Variants in LPL observed in about 807,000 individuals in gnomAD.
The protein encoded by LPL is phospholipase A1.
LPL carries 43 observed loss-of-function variants against 52.2 expected under a neutral mutation model. The observed-to-expected ratio is 0.82, with a 90% CI of 0.64 to 1.06. The LOEUF is 1.06. Among genes scored for constraint, LPL ranks in the 50% least tolerant of loss-of-function variants. LPL has a pLI of 0.00. For missense variants in LPL, 639 were observed against 585.3 expected, an observed-to-expected ratio of 1.09 and a Z score of -0.95; for synonymous variants, 244 against 215.6, an observed-to-expected ratio of 1.13 and a Z score of -1.15.
rs528243561 is a variant in LPL, at chr8:19,954,258, T to C, written c.680T>C (p.Val227Ala). The C allele has an allele frequency of 1.4e-5, 22 of 1,614,190 alleles. No homozygotes were observed. In the South Asian group the frequency reaches 1.9e-4, roughly 14 times the overall value. ...CGAAGCATTGGAATCCAGAAACCAG[T>C]TGGGCATGTTGACATTTACCCGAAT... Reference protein sequence around the residue: ...PGRSIGIQKPVGHVDIYPNGG... With the variant: ...PGRSIGIQKPAGHVDIYPNGG... Residue 227 changes from valine (V) to alanine (A), a missense_variant, in exon 5 of 10, where the codon GTT (valine) becomes GCT (alanine). Coordinates refer to ENST00000650287, the MANE Select transcript of LPL (RefSeq NM_000237.3).
intron 7 of LPL, among the ~76,000 whole-genome samples, chr8:19,959,685 T>C (rs912229500): frequency 1.3e-5 from 2 of 149,094 alleles, no homozygotes; most frequent in African/African-American, 5.0e-5. Flanking sequence ...TTAAAGAAAA[T>C]GAGCAATGGT....
chr8:19,961,295 G>T (rs2070037379), intron 8 of LPL, among the ~76,000 whole-genome samples: 2 of 151,678 alleles, frequency 1.3e-5, no homozygotes, highest in African/African-American at 4.9e-5. Flanking sequence ...TGTATTTCAT[G>T]TAAGGAAAAC....
At chr8:19,953,541 C>T (rs2069953892) in intron 4 of LPL, 120 bp downstream of exon 4, 1 of 724,258 alleles carries the variant, frequency 1.4e-6, no homozygotes, top group Non-Finnish European at 2.5e-6. Flanking sequence ...GAGACATGAC[C>T]AGCACTTGAT....
At chr8:19,953,259 T>C (rs1193206454) in intron 3 of LPL, 51 bp from the exon 4 acceptor site, 1 of 1,111,682 alleles carries the variant, frequency 9.0e-7, no homozygotes, top group Non-Finnish European at 1.4e-6. Flanking sequence ...TTTCTTTTAG[T>C]TTTATTTTTG....
intron 9 of LPL, 59 bp from the exon 10 acceptor site, chr8:19,965,251 G>A (rs1383111173): frequency 1.8e-5 from 14 of 777,772 alleles, no homozygotes; most frequent in South Asian, 1.1e-4. Flanking sequence ...GGGGACAGGC[G>A]GGAATTGTAA....
intron 1 of LPL, among the ~76,000 whole-genome samples, 182 bp from the exon 2 acceptor site, chr8:19,947,998 T>G (rs569622720): frequency 3.9e-5 from 6 of 152,344 alleles, no homozygotes; most frequent in African/African-American, 7.2e-5. Context: ...GTTGTCTCTC[T>G]GTCAACTTTG....
At chr8:19,961,381 A>T (rs1469195394) in intron 8 of LPL, among the ~76,000 whole-genome samples, 1 of 152,112 alleles carries the variant, frequency 6.6e-6, no homozygotes, top group African/African-American at 2.4e-5. Context: ...CTCATTTGGC[A>T]CTGTTTCTTG....
At position 19,961,024 on chromosome 8, in the gene LPL, G is replaced by A. The variant is rs2070033559; in HGVS notation, c.1263G>A (p.Trp421Ter). 1 of 1,614,130 alleles carries A rather than the reference G, an allele frequency of 6.2e-7. No individual in the cohort carries two copies. Among genetic ancestry groups the A allele is most frequent in the Non-Finnish European group, 8.5e-7 (1 of 1,180,012 alleles). Residue 421 changes from tryptophan to a stop codon, truncating the protein, a stop_gained, in exon 8 of 10, where the codon TGG becomes TGA. Transcript: ENST00000650287. LOFTEE classifies it high-confidence loss of function. ...SDSYFSWSDW[W>*]SSPGFAIQKI... ...CATACTTTAGCTGGTCAGACTGGTGGAGCAGTCCCGGCTTCGCCATTCAGA... is the reference window on the plus strand; with the variant it reads ...CATACTTTAGCTGGTCAGACTGGTGAAGCAGTCCCGGCTTCGCCATTCAGA...
chr8:19,964,035 C>A (rs1283254450), intron 9 of LPL, among the ~76,000 whole-genome samples: 3 of 152,052 alleles, frequency 2.0e-5, no homozygotes, highest in Non-Finnish European at 4.4e-5. Flanking sequence ...TCACTGCAAC[C>A]TCCACCTCCT....
rs1345833391 is a variant in LPL at position 19,959,316 on chromosome 8, A to C, written c.1075A>C (p.Asn359His). The stretch of plus-strand genomic sequence containing the variant: ...TGGGACTGAGAGTGAAACCCATACC[A>C]ATCAGGCCTTTGAGATTTCTCTGTA... The part of the protein sequence containing the change: ...FSGTESETHT[N>H]QAFEISLYGT... Residue 359 changes from asparagine (N) to histidine (H), a missense_variant, in exon 7 of 10, where the codon AAT becomes CAT. Transcript: ENST00000650287. 2 of 1,614,130 alleles carry C rather than the reference A, an allele frequency of 1.2e-6. No homozygotes were observed. The highest frequency in any genetic ancestry group is 1.6e-4 in the Middle Eastern group (1 of 6,062).
At chr8:19,959,730 T>C (rs1293929499) in intron 7 of LPL, among the ~76,000 whole-genome samples, 1 of 148,434 alleles carries the variant, frequency 6.7e-6, no homozygotes, top group Non-Finnish European at 1.5e-5. Flanking sequence ...ACATATAATA[T>C]GTACAGAAAA....
chr8:19,961,103 T>C lies in LPL; in HGVS notation c.1322+20T>C. The C allele has an allele frequency of 6.2e-7, 1 of 1,611,010 alleles. No homozygotes were observed. Among genetic ancestry groups the C allele is most frequent in the African/African-American group, 1.3e-5 (1 of 74,988 alleles). On this transcript the variant is annotated intron_variant, in intron 8 of 9. Transcript: ENST00000650287. ...GAAAAAGTAATTAAATGTATTTTTC[T>C]TCCTTCACTTTAGACCCCCACCTGA...
At chr8:19,948,576 C>A (rs1312757876) in intron 2 of LPL, 2 of 504,332 alleles carry the variant, frequency 4.0e-6, no homozygotes, top group Admixed American at 3.5e-5. Flanking sequence ...GCCCTTGAGC[C>A]AGAGCTTCCT....
intron 7 of LPL, 104 bp from the exon 8 acceptor site, chr8:19,960,797 C>G (rs544423970): frequency 2.6e-5 from 21 of 810,292 alleles, no homozygotes; most frequent in Middle Eastern, 3.6e-4. Flanking sequence ...TTTAAAATAT[C>G]CCCTAAATAA....
intron 7 of LPL, among the ~76,000 whole-genome samples, chr8:19,959,775 C>CCCTTTTTTTTTTTTTTTT (rs2070020694): frequency 9.9e-6 from 1 of 100,730 alleles, no homozygotes; most frequent in Non-Finnish European, 2.0e-5. Flanking sequence ...AAAGTGTTAG[C>CCCTTTTTTTTTTTTTTTT]TCTTTTTTTT....
At chr8:19,964,159 T>G (rs1390327015) in intron 9 of LPL, among the ~76,000 whole-genome samples, 1 of 151,892 alleles carries the variant, frequency 6.6e-6, no homozygotes, top group Non-Finnish European at 1.5e-5. Context: ...ACCATGTTGG[T>G]CAGGCTGGTC....
intron 2 of LPL, chr8:19,948,542 AT>A: frequency 5.0e-6 from 3 of 597,602 alleles, no homozygotes; most frequent in Non-Finnish European, 8.7e-6. Context: ...GCCAGCCTTC[AT>A]TTTAACACTG....
rs188947767 is a variant in LPL at position 19,966,683 on chromosome 8, G to C, written c.*1373G>C. On this transcript the variant is annotated 3_prime_UTR_variant, in exon 10 of 10. Coordinates refer to ENST00000650287, the MANE Select transcript of LPL (RefSeq NM_000237.3). ...GCATAATTCGGAAGGGAAAACAGTC[G>C]ATCAAGGGATGTATTGGAACATGTC... is the stretch of plus-strand genomic sequence containing the variant. The C allele has an allele frequency of 4.6e-5, 7 of 152,312 alleles. No homozygotes were observed. The highest frequency in any genetic ancestry group is 1.4e-4 in the African/African-American group (6 of 41,568). The allele number at this position is 152,312 out of a possible 1,614,324, so 9.4% of individuals were successfully genotyped here. A position where few individuals can be genotyped will look rare whatever the true frequency, so the allele number is the denominator to read the frequency against.
intron 9 of LPL, among the ~76,000 whole-genome samples, chr8:19,963,839 A>G (rs2070061681): frequency 6.6e-6 from 1 of 152,172 alleles, no homozygotes; most frequent in Non-Finnish European, 1.5e-5. Flanking sequence ...CTAACTGGAG[A>G]CTTTTCTTCT....
Sources: gnomAD v4.1 joint callset for allele counts (sites outside exome capture counted in the v4.1 genomes callset) on GRCh38, gnomAD v4.1.1 for gene constraint, MANE v1.5 for transcripts, NCBI Gene and HGNC (gene_info 2026-07-23, HGNC 2026-07-21) for gene names.